The following RAB27B variants were observed in gnomAD, a reference collection of about 807,000 sequenced individuals.
The protein encoded by RAB27B is ras-related protein Rab-27B.
In RAB27B, 15 loss-of-function variants were observed where a neutral mutation model predicts 24.6. That is an observed-to-expected ratio of 0.61 (90% confidence interval 0.41 to 0.94). RAB27B has a LOEUF of 0.94. RAB27B is among the 40% of genes least tolerant of loss of function. The pLI is 0.00. For missense variants in RAB27B, 261 were observed against 266.8 expected (o/e 0.98, Z 0.15); for synonymous variants, 105 against 92.5 (o/e 1.14, Z -0.78).
At chr18:54,735,309 A>C (rs1474334788) in intron 2 of RAB27B, among the ~76,000 whole-genome samples, 1 of 152,206 alleles carries the variant, frequency 6.6e-6, no homozygotes, top group African/African-American at 2.4e-5. Context: ...AAATTAATTA[A>C]AATGAAATAT....
intron 1 of RAB27B, among the ~76,000 whole-genome samples, chr18:54,833,181 G>A (rs1910755016): frequency 6.6e-6 from 1 of 151,408 alleles, no homozygotes; most frequent in Non-Finnish European, 1.5e-5. Context: ...AAACAAAGCA[G>A]TGAATAAAGA....
intron 1 of RAB27B, among the ~76,000 whole-genome samples, chr18:54,836,879 T>C (rs1406861311): frequency 2.7e-5 from 4 of 150,100 alleles, no homozygotes; most frequent in African/African-American, 1.0e-4. Flanking sequence ...TTATAAACAT[T>C]AGGAAAAATG....
At chr18:54,849,027 G>A (rs570939077) in intron 1 of RAB27B, among the ~76,000 whole-genome samples, 4 of 152,136 alleles carry the variant, frequency 2.6e-5, no homozygotes, top group African/African-American at 4.8e-5. Context: ...CCAGCAGAAC[G>A]TCTGGGATTT....
In RAB27B at chr18:54,800,600, T is replaced by C. The variant is rs141288679; in HGVS notation, c.-19-76967T>C. Among the ~76,000 whole-genome samples, 21 of 152,332 alleles carry C rather than the reference T, an allele frequency of 1.4e-4. 1 individual carries two copies. In the East Asian group the frequency reaches 3.9e-3, roughly 28 times the overall value. Reference sequence around the variant, plus strand: ...CATTCTTCTTTTGAGAGGTACCTTTTGTAATTTTTGTCTACACTTTAATTG... The same window carrying C: ...CATTCTTCTTTTGAGAGGTACCTTTCGTAATTTTTGTCTACACTTTAATTG... On this transcript the variant is annotated intron_variant, in intron 2 of 4. Coordinates refer to the RAB27B transcript ENST00000586570.
At chr18:54,755,167 A>T (rs1228740736) in intron 2 of RAB27B, among the ~76,000 whole-genome samples, 1 of 152,168 alleles carries the variant, frequency 6.6e-6, no homozygotes, top group Non-Finnish European at 1.5e-5. Context: ...AGGCAGGCGG[A>T]TCACCCGAGG....
At chr18:54,800,426 T>C (rs1433034606) in intron 2 of RAB27B, among the ~76,000 whole-genome samples, 1 of 152,230 alleles carries the variant, frequency 6.6e-6, no homozygotes, top group Non-Finnish European at 1.5e-5. Flanking sequence ...TTTGCCAGGA[T>C]TGCATTAGTG....
intron 1 of RAB27B, among the ~76,000 whole-genome samples, chr18:54,855,412 A>C (rs1371307085): frequency 1.3e-5 from 2 of 152,188 alleles, no homozygotes; most frequent in South Asian, 4.1e-4. Context: ...CCTTCATTTA[A>C]AGTACAAATT....
chr18:54,860,750 C>T (rs1911979406), intron 1 of RAB27B, among the ~76,000 whole-genome samples: 1 of 152,150 alleles, frequency 6.6e-6, no homozygotes, highest in Non-Finnish European at 1.5e-5. Flanking sequence ...AGGAAAGTTC[C>T]AAGTCAGAGA....
chr18:54,822,662 T>C (rs1263239403), intron 2 of RAB27B, among the ~76,000 whole-genome samples: 4 of 152,246 alleles, frequency 2.6e-5, no homozygotes, highest in Admixed American at 2.6e-4. Context: ...AATTATTCTT[T>C]CCTATTTGCT....
At chr18:54,840,611 G>A (rs1278371455) in intron 1 of RAB27B, among the ~76,000 whole-genome samples, 1 of 21,422 alleles carries the variant, frequency 4.7e-5, no homozygotes, top group African/African-American at 8.0e-5. Context: ...GCAGATTCAG[G>A]GTTAAATAAA....
chr18:54,721,820 T>C (rs1909367134), intron 2 of RAB27B, among the ~76,000 whole-genome samples: 1 of 152,160 alleles, frequency 6.6e-6, no homozygotes, highest in African/African-American at 2.4e-5. Flanking sequence ...CATTTTCAGT[T>C]AGGGTTGTTT....
chr18:54,812,165 T>G (rs986673706), intron 2 of RAB27B, among the ~76,000 whole-genome samples: 1 of 152,322 alleles, frequency 6.6e-6, no homozygotes, highest in African/African-American at 2.4e-5. Flanking sequence ...TGGGGGGTTT[T>G]GGGATGGAGA....
chr18:54,837,863 G>A (rs929523061), intron 1 of RAB27B, among the ~76,000 whole-genome samples: 5 of 152,046 alleles, frequency 3.3e-5, no homozygotes, highest in African/African-American at 9.7e-5. Context: ...TGTAGCTTCT[G>A]TGGGGGCAAT....
chr18:54,803,966 G>A (rs1264796302), intron 2 of RAB27B, among the ~76,000 whole-genome samples: 1 of 152,172 alleles, frequency 6.6e-6, no homozygotes, highest in Non-Finnish European at 1.5e-5. Flanking sequence ...CGTGGGATTA[G>A]TCCTGATGAG....
intron 2 of RAB27B, among the ~76,000 whole-genome samples, chr18:54,721,802 CTT>C (rs1250711873): frequency 6.6e-6 from 1 of 152,060 alleles, no homozygotes; most frequent in Admixed American, 6.6e-5. Flanking sequence ...TAAGGAATGG[CTT>C]TGTGGCATTT....
At chr18:54,781,575 A>C (rs1401595781) in intron 2 of RAB27B, among the ~76,000 whole-genome samples, 1 of 152,030 alleles carries the variant, frequency 6.6e-6, no homozygotes, top group Non-Finnish European at 1.5e-5. Context: ...TTAAACTTTC[A>C]ATTTGTGATA....
chr18:54,814,525 G>GC (rs1375587468), intron 2 of RAB27B, among the ~76,000 whole-genome samples: 44 of 152,126 alleles, frequency 2.9e-4, no homozygotes, highest in African/African-American at 1.0e-3. Context: ...CTGTATCTGA[G>GC]TAAGTCAATA....
intron 2 of RAB27B, 80 bp from the exon 3 acceptor site, chr18:54,879,289 A>C: frequency 1.9e-6 from 2 of 1,055,604 alleles, no homozygotes; most frequent in Non-Finnish European, 3.0e-6. Flanking sequence ...TTGAGAAAAA[A>C]ACATGCTGAG....
At chr18:54,776,884 A>G (rs1219206362) in intron 2 of RAB27B, among the ~76,000 whole-genome samples, 1 of 152,126 alleles carries the variant, frequency 6.6e-6, no homozygotes, top group Non-Finnish European at 1.5e-5. Flanking sequence ...GTCTCTACTA[A>G]AAATACAAAA....
Sources: gnomAD v4.1 joint callset for allele counts (sites outside exome capture counted in the v4.1 genomes callset) on GRCh38, gnomAD v4.1.1 for gene constraint, MANE v1.5 for transcripts, NCBI Gene and HGNC (gene_info 2026-07-23, HGNC 2026-07-21) for gene names.